MTPN: variants seen among roughly 807,000 people sequenced by gnomAD.
MTPN encodes granule cell differentiation protein.
MTPN carries 2 observed loss-of-function variants against 13.5 expected under a neutral mutation model. The ratio of observed to expected loss-of-function variants is 0.15; its 90% CI spans 0.06 to 0.47. The LOEUF (loss-of-function observed/expected upper bound fraction) is 0.47, where lower values mean the gene tolerates loss of function less well. Among genes scored for constraint, MTPN ranks in the 20% least tolerant of loss-of-function variants. MTPN has a pLI of 0.97. For missense variants in MTPN, 79 were observed against 137.9 expected (o/e 0.57, Z 2.14); for synonymous variants, 46 against 51.7 (o/e 0.89, Z 0.48).
intron 1 of MTPN, 105 bp downstream of exon 1, chr7:135,976,924 T>TACAAGC: frequency 1.4e-6 from 1 of 724,844 alleles, no homozygotes; most frequent in Non-Finnish European, 2.5e-6. Context: ...AGGAAGTCTC[T>TACAAGC]CCTCCCGCCC....
chr7:135,971,529 T>C (rs984574949), intron 1 of MTPN, among the ~76,000 whole-genome samples: 1 of 152,188 alleles, frequency 6.6e-6, no homozygotes, highest in Non-Finnish European at 1.5e-5. Context: ...CATGGGGCTT[T>C]TGAAACTCCT....
chr7:135,974,602 T>C (rs935523770), intron 1 of MTPN, among the ~76,000 whole-genome samples: 1 of 151,890 alleles, frequency 6.6e-6, no homozygotes, highest in Non-Finnish European at 1.5e-5. Context: ...AGGTAGATTC[T>C]TAGGTTAACA....
intron 3 of MTPN, among the ~76,000 whole-genome samples, chr7:135,937,300 A>G (rs557190652): frequency 6.6e-6 from 1 of 152,204 alleles, no homozygotes; most frequent in East Asian, 1.9e-4. Flanking sequence ...AAATTTAAAA[A>G]ATTTACAAAT....
chr7:135,940,617 G>A (rs958717294), intron 3 of MTPN, among the ~76,000 whole-genome samples: 2 of 152,120 alleles, frequency 1.3e-5, no homozygotes, highest in Non-Finnish European at 2.9e-5. Flanking sequence ...ACTTGCCCAA[G>A]GTCAGTCAAC....
At chr7:135,937,447 C>CAT (rs1280237259) in intron 3 of MTPN, among the ~76,000 whole-genome samples, 1 of 151,706 alleles carries the variant, frequency 6.6e-6, no homozygotes, top group Non-Finnish European at 1.5e-5. Context: ...CAGTCAACTA[C>CAT]ATATATAGTC....
chr7:135,977,218 GAGA>G lies in MTPN; in HGVS notation c.-121_-119del. ...CGCGCGAAGCCGGAGAGGAGAAGAA[GAGA>G]AGGAGGGTTAGGCTGCCAGGCGGGC... On this transcript the variant is annotated 5_prime_UTR_variant, in exon 1 of 4. Coordinates refer to ENST00000393085, the MANE Select transcript of MTPN (RefSeq NM_145808.4). 3 of 1,032,384 alleles carry G rather than the reference GAGA, an allele frequency of 2.9e-6. No homozygotes were observed. The highest frequency in any genetic ancestry group is 4.5e-6 in the Non-Finnish European group (3 of 666,648). 64.0% of individuals were successfully genotyped at this position (1,032,384 alleles called of 1,614,324 possible). A position where few individuals can be genotyped will look rare whatever the true frequency, so the allele number is the denominator to read the frequency against.
At chr7:135,970,343 C>A (rs1303178855) in intron 1 of MTPN, among the ~76,000 whole-genome samples, 1 of 152,144 alleles carries the variant, frequency 6.6e-6, no homozygotes. Context: ...GAGGGGAGAT[C>A]TTTACCTTTC....
chr7:135,966,846 A>G (rs1799614968), intron 1 of MTPN, among the ~76,000 whole-genome samples: 1 of 152,174 alleles, frequency 6.6e-6, no homozygotes, highest in South Asian at 2.1e-4. Context: ...TTTGATCAAG[A>G]TTCATACTAT....
At chr7:135,934,479 C>T (rs1248594422) in intron 3 of MTPN, among the ~76,000 whole-genome samples, 2 of 152,132 alleles carry the variant, frequency 1.3e-5, no homozygotes, top group South Asian at 4.1e-4. Flanking sequence ...TTGTGCATAT[C>T]CCAGTAGCCT....
chr7:135,950,755 C>G, intron 2 of MTPN, 73 bp from the exon 3 acceptor site: 6 of 1,180,728 alleles, frequency 5.1e-6, no homozygotes, highest in Non-Finnish European at 6.2e-6. Context: ...AACTAGAAAA[C>G]TCTTTCTAGA....
intron 1 of MTPN, among the ~76,000 whole-genome samples, chr7:135,957,270 T>C (rs1247221291): frequency 6.6e-6 from 1 of 152,144 alleles, no homozygotes; most frequent in East Asian, 1.9e-4. Flanking sequence ...ATACATACAC[T>C]GTATCTGGAA....
chr7:135,940,822 G>C (rs541089545), intron 3 of MTPN, among the ~76,000 whole-genome samples: 1 of 152,290 alleles, frequency 6.6e-6, no homozygotes, highest in Admixed American at 6.5e-5. Flanking sequence ...CATATGACTT[G>C]TCATCTGTTG....
At chr7:135,947,973 C>T (rs571288976) in intron 3 of MTPN, among the ~76,000 whole-genome samples, 5 of 151,966 alleles carry the variant, frequency 3.3e-5, no homozygotes, top group African/African-American at 7.3e-5. Context: ...TTTTCGTATG[C>T]TAAGGATAAA....
At chr7:135,946,440 T>A (rs1054717423) in intron 3 of MTPN, among the ~76,000 whole-genome samples, 29 of 151,938 alleles carry the variant, frequency 1.9e-4, no homozygotes, top group African/African-American at 6.0e-4. Flanking sequence ...ATGTGCCTTA[T>A]AAATTCCAAA....
intron 1 of MTPN, 94 bp downstream of exon 1, chr7:135,976,934 CA>C: frequency 5.1e-6 from 3 of 583,856 alleles, no homozygotes; most frequent in African/African-American, 1.9e-5. Flanking sequence ...TCCTCCCGCC[CA>C]CCCCCATCCC....
At chr7:135,938,236 A>G (rs1336081504) in intron 3 of MTPN, among the ~76,000 whole-genome samples, 1 of 152,232 alleles carries the variant, frequency 6.6e-6, no homozygotes, top group Non-Finnish European at 1.5e-5. Flanking sequence ...TGTTATCTCT[A>G]CATATGCATA....
intron 1 of MTPN, 94 bp downstream of exon 1, chr7:135,976,935 A>ACCCCCCTC: frequency 2.9e-5 from 7 of 239,438 alleles, no homozygotes; most frequent in Non-Finnish European, 4.4e-5. Flanking sequence ...CCTCCCGCCC[A>ACCCCCCTC]CCCCCATCCC....
chr7:135,937,370 T>TACACACACACACACACACACACACAC (rs35704525), intron 3 of MTPN, among the ~76,000 whole-genome samples: 2 of 144,410 alleles, frequency 1.4e-5, no homozygotes, highest in African/African-American at 5.1e-5. Context: ...GCTAACTGGA[T>TACACACACACACACACACACACACAC]ACACACACAC....
At chr7:135,974,828 G>C (rs557985459) in intron 1 of MTPN, among the ~76,000 whole-genome samples, 1 of 152,152 alleles carries the variant, frequency 6.6e-6, no homozygotes, top group East Asian at 1.9e-4. Flanking sequence ...ACAGCTGTGG[G>C]GCAGAAGAAA....
Sources: gnomAD v4.1 joint callset for allele counts (sites outside exome capture counted in the v4.1 genomes callset) on GRCh38, gnomAD v4.1.1 for gene constraint, MANE v1.5 for transcripts, NCBI Gene and HGNC (gene_info 2026-07-23, HGNC 2026-07-21) for gene names.